Variants in HDAC9 observed in about 807,000 individuals in gnomAD.
HDAC9 encodes the protein MEF-2 interacting transcription repressor (MITR) protein.
A neutral mutation model predicts 139.4 loss-of-function variants in HDAC9; 41 were observed. The ratio of observed to expected loss-of-function variants is 0.29; its 90% CI spans 0.23 to 0.38. HDAC9 has a LOEUF of 0.38. Ranked by LOEUF, HDAC9 falls within the 10% of genes least tolerant of loss-of-function variation. HDAC9 has a pLI of 1.00. For missense variants in HDAC9, 1,147 were observed against 1,297.0 expected (o/e 0.88, Z 1.78); for synonymous variants, 517 against 476.2 (o/e 1.09, Z -1.12).
intron 2 of HDAC9, among the ~76,000 whole-genome samples, chr7:18,505,008 C>T (rs905158328): frequency 6.6e-6 from 1 of 152,134 alleles, no homozygotes; most frequent in African/African-American, 2.4e-5. Flanking sequence ...CACAAATAGG[C>T]AAGCATGTTG....
chr7:18,914,788 T>C (rs1252443498), intron 22 of HDAC9, among the ~76,000 whole-genome samples: 1 of 137,550 alleles, frequency 7.3e-6, no homozygotes, highest in Non-Finnish European at 1.7e-5. Context: ...GAGAGAAACA[T>C]ATTTTTTGAA....
At chr7:18,812,799 G>C (rs142635886) in intron 17 of HDAC9, among the ~76,000 whole-genome samples, 2 of 151,698 alleles carry the variant, frequency 1.3e-5, no homozygotes, top group Non-Finnish European at 2.9e-5. Flanking sequence ...TCATCACTTC[G>C]GTATGGCCCA....
intron 6 of HDAC9, among the ~76,000 whole-genome samples, chr7:18,621,878 A>T (rs1192504847): frequency 6.6e-6 from 1 of 152,176 alleles, no homozygotes; most frequent in African/African-American, 2.4e-5. Context: ...AGACTGGAGG[A>T]TCTACTGTGT....
chr7:18,943,134 C>G (rs1782133184), intron 23 of HDAC9, among the ~76,000 whole-genome samples: 1 of 151,924 alleles, frequency 6.6e-6, no homozygotes, highest in African/African-American at 2.4e-5. Flanking sequence ...TAATGTGAGC[C>G]AAGCCTTCTT....
At chr7:18,949,031 AT>A in intron 23 of HDAC9, 1 of 404,658 alleles carries the variant, frequency 2.5e-6, no homozygotes, top group Admixed American at 3.0e-5. Flanking sequence ...ACTTGCTTGC[AT>A]TTTTGCTTTA....
chr7:18,644,834 A>C, intron 9 of HDAC9, 41 bp downstream of exon 9: 1 of 1,564,346 alleles, frequency 6.4e-7, no homozygotes, highest in Non-Finnish European at 8.7e-7. Context: ...AACCTAAGCA[A>C]TATCTTTTCA....
rs746454823 is a variant in HDAC9 at position 18,647,892 on chromosome 7, C to A, written c.1143C>A (p.His381Gln). The stretch of plus-strand genomic sequence containing the variant: ...GCAGCATCCCGGCATCTTCCAGCCA[C>A]CCTCATGTTACTTTAGAGGGAAAGC... Reference protein sequence around the residue: ...YGGSIPASSSHPHVTLEGKPP... With the variant: ...YGGSIPASSSQPHVTLEGKPP... The change falls in exon 10 of 26, where the codon CAC (histidine) becomes CAA (glutamine). Residue 381 changes from histidine to glutamine, a missense_variant. This residue lies in a region of HDAC9 where 264 missense variants were observed against 273.8 expected (regional missense o/e 0.96). Transcript: ENST00000686413. 8.1e-6 allele frequency: 13 copies of A among 1,612,918 alleles called. No homozygotes were observed. Among genetic ancestry groups the A allele is most frequent in the Non-Finnish European group, 1.1e-5 (13 of 1,179,460 alleles).
chr7:18,268,700 C>T (rs1007473380), intron 2 of HDAC9, among the ~76,000 whole-genome samples: 6 of 151,992 alleles, frequency 3.9e-5, no homozygotes, highest in Admixed American at 3.3e-4. Flanking sequence ...AGCCATTTTG[C>T]CCTTGTTTAT....
intron 12 of HDAC9, among the ~76,000 whole-genome samples, chr7:18,717,436 T>TC (rs200675171): frequency 1.3e-5 from 2 of 151,410 alleles, no homozygotes; most frequent in Admixed American, 6.6e-5. Context: ...ATTTCCTTTT[T>TC]TTTTTTTTTT....
At chr7:18,885,465 C>A (rs887251460) in intron 22 of HDAC9, among the ~76,000 whole-genome samples, 1 of 152,202 alleles carries the variant, frequency 6.6e-6, no homozygotes, top group African/African-American at 2.4e-5. Flanking sequence ...GTATTAATAT[C>A]ATTTTTTAAG....
At chr7:18,698,133 T>C (rs1783193495) in intron 12 of HDAC9, among the ~76,000 whole-genome samples, 1 of 152,196 alleles carries the variant, frequency 6.6e-6, no homozygotes, top group South Asian at 2.1e-4. Flanking sequence ...AAAATTCTTT[T>C]TGATCAGAAT....
chr7:18,324,290 T>G (rs1800267920), intron 1 of HDAC9, among the ~76,000 whole-genome samples: 1 of 152,144 alleles, frequency 6.6e-6, no homozygotes, highest in African/African-American at 2.4e-5. Context: ...GTAGGAACCA[T>G]GCTGATGTGA....
At chr7:18,904,854 C>T (rs1444465338) in intron 22 of HDAC9, among the ~76,000 whole-genome samples, 1 of 151,936 alleles carries the variant, frequency 6.6e-6, no homozygotes, top group Non-Finnish European at 1.5e-5. Flanking sequence ...GGATTACAGG[C>T]ATGAGCCGCC....
chr7:18,659,579 C>T (rs1335665274), intron 11 of HDAC9, among the ~76,000 whole-genome samples: 3 of 152,038 alleles, frequency 2.0e-5, no homozygotes, highest in Non-Finnish European at 2.9e-5. Context: ...ATAGGCTGCC[C>T]GTGGCATGCT....
intron 17 of HDAC9, among the ~76,000 whole-genome samples, chr7:18,812,858 T>C (rs917699476): frequency 6.6e-6 from 1 of 152,030 alleles, no homozygotes; most frequent in African/African-American, 2.4e-5. Flanking sequence ...TTTTCTTCTT[T>C]GCACTTTTGT....
intron 12 of HDAC9, among the ~76,000 whole-genome samples, chr7:18,702,814 G>A (rs537665022): frequency 3.3e-5 from 5 of 152,224 alleles, no homozygotes; most frequent in African/African-American, 7.2e-5. Flanking sequence ...CCAACACTGC[G>A]GTTTTGTCTT....
chr7:18,666,010 A>C (rs916541725), intron 11 of HDAC9, among the ~76,000 whole-genome samples: 1 of 152,112 alleles, frequency 6.6e-6, no homozygotes, highest in African/African-American at 2.4e-5. Context: ...TTCACTGCCT[A>C]CTGGACCCAT....
At chr7:18,097,810 C>G (rs547100967) in intron 1 of HDAC9, among the ~76,000 whole-genome samples, 40 of 152,090 alleles carry the variant, frequency 2.6e-4, no homozygotes, top group Non-Finnish European at 5.1e-4. Flanking sequence ...CTTCTGGCCT[C>G]AAGTGATCCT....
intron 17 of HDAC9, among the ~76,000 whole-genome samples, chr7:18,822,417 C>A (rs58184650): frequency 1.3e-5 from 2 of 152,100 alleles, no homozygotes; most frequent in Non-Finnish European, 2.9e-5. Context: ...TGCAATGGGG[C>A]GATCACAGCT....
Sources: allele counts gnomAD v4.1 joint callset (sites outside exome capture counted in the v4.1 genomes callset), GRCh38; gene constraint gnomAD v4.1.1; regional missense constraint gnomAD v4.1.1; transcripts MANE v1.5; gene names NCBI Gene and HGNC (gene_info 2026-07-23, HGNC 2026-07-21).